Variants in OTOGL observed in about 807,000 individuals in gnomAD.
The protein encoded by OTOGL is otogelin-like protein.
OTOGL carries 285 observed loss-of-function variants against 318.5 expected under a neutral mutation model. The observed-to-expected ratio is 0.89, with a 90% CI of 0.81 to 0.99. The LOEUF (loss-of-function observed/expected upper bound fraction) is 0.99, where lower values mean the gene tolerates loss of function less well. Among genes scored for constraint, OTOGL ranks in the 50% least tolerant of loss-of-function variants. OTOGL has a pLI of 0.00. For missense variants in OTOGL, 2,899 were observed against 2,845.6 expected, an observed-to-expected ratio of 1.02 and a Z score of -0.43; for synonymous variants, 987 against 936.5, an observed-to-expected ratio of 1.05 and a Z score of -0.99.
chr12:80,189,134 T>A lies in OTOGL; in HGVS notation c.-19-20279T>A, dbSNP rs74674705. 9.8e-3 allele frequency among the ~76,000 whole-genome samples: 1,489 copies of A among 152,332 alleles called. 30 individuals are homozygous for A. Among genetic ancestry groups the A allele is most frequent in the African/African-American group, 0.034 (1,424 of 41,572 alleles). On this transcript the variant is annotated intron_variant, in intron 1 of 58. Transcript: ENST00000547103. ...ATCCTTTAAGGCTTTTTGGTTAATG[T>A]ATCATAAATAGATACTCAGATTAAT...
chr12:80,239,045 A>G (rs1880133674), intron 10 of OTOGL, 67 bp downstream of exon 10: 2 of 1,447,732 alleles, frequency 1.4e-6, no homozygotes, highest in Admixed American at 2.5e-5. Context: ...TGTATAATTA[A>G]CTAAGCATTT....
intron 1 of OTOGL, among the ~76,000 whole-genome samples, chr12:80,147,478 T>C (rs1872469800): frequency 6.6e-6 from 1 of 151,388 alleles, no homozygotes; most frequent in East Asian, 1.9e-4. Context: ...CTTCCAAGTA[T>C]GTGGTCAATT....
intron 1 of OTOGL, among the ~76,000 whole-genome samples, chr12:80,108,357 T>C (rs1869581710): frequency 6.6e-6 from 1 of 152,042 alleles, no homozygotes; most frequent in Non-Finnish European, 1.5e-5. Flanking sequence ...GTTCTTTCTG[T>C]AGTGGTAAGT....
intron 11 of OTOGL, among the ~76,000 whole-genome samples, chr12:80,245,057 A>T (rs1461636407): frequency 7.2e-6 from 1 of 139,650 alleles, no homozygotes; most frequent in East Asian, 2.0e-4. Flanking sequence ...GATTCTGGAT[A>T]TTAGCCCTTT....
intron 22 of OTOGL, among the ~76,000 whole-genome samples, chr12:80,269,144 T>C (rs1382948894): frequency 1.3e-5 from 2 of 152,098 alleles, no homozygotes; most frequent in Non-Finnish European, 2.9e-5. Flanking sequence ...GTTATTCTAG[T>C]GTTCAACTAT....
chr12:80,346,010 C>G (rs1388400001), intron 44 of OTOGL, among the ~76,000 whole-genome samples: 3 of 152,124 alleles, frequency 2.0e-5, no homozygotes, highest in Admixed American at 6.5e-5. Flanking sequence ...AGAGAAGACA[C>G]AGTATTACCA....
intron 44 of OTOGL, among the ~76,000 whole-genome samples, chr12:80,344,607 T>C (rs1430694309): frequency 6.6e-6 from 1 of 152,114 alleles, no homozygotes; most frequent in Non-Finnish European, 1.5e-5. Context: ...AAAATCTAAA[T>C]CAACAACCAC....
At chr12:80,262,818 T>A (rs1882655362) in intron 19 of OTOGL, among the ~76,000 whole-genome samples, 1 of 152,196 alleles carries the variant, frequency 6.6e-6, no homozygotes, top group Admixed American at 6.5e-5. Context: ...TATATATAAT[T>A]GTGAAAAAAT....
chr12:80,328,402 C>T (rs1242891171), intron 35 of OTOGL, among the ~76,000 whole-genome samples: 2 of 152,152 alleles, frequency 1.3e-5, no homozygotes, highest in Non-Finnish European at 2.9e-5. Context: ...GGAACAGGGA[C>T]TTAGTGTGCC....
chr12:80,201,358 C>G (rs1876440600), intron 1 of OTOGL, among the ~76,000 whole-genome samples: 1 of 152,080 alleles, frequency 6.6e-6, no homozygotes, highest in African/African-American at 2.4e-5. Context: ...AGCTTCCAAT[C>G]ATGGTGGAAG....
intron 55 of OTOGL, among the ~76,000 whole-genome samples, chr12:80,370,286 G>A (rs761144939): frequency 1.3e-5 from 2 of 151,848 alleles, no homozygotes; most frequent in Non-Finnish European, 2.9e-5. Flanking sequence ...ACTCTCTATT[G>A]TTTTATTTCA....
chr12:80,140,109 G>A (rs1871835997), intron 1 of OTOGL, among the ~76,000 whole-genome samples: 1 of 152,054 alleles, frequency 6.6e-6, no homozygotes, highest in South Asian at 2.1e-4. Context: ...CACCTGCCTT[G>A]CCTCTCCCCT....
At chr12:80,191,154 C>T (rs1030327708) in intron 1 of OTOGL, among the ~76,000 whole-genome samples, 19 of 152,290 alleles carry the variant, frequency 1.2e-4, no homozygotes, top group African/African-American at 4.6e-4. Context: ...TTATTGGATA[C>T]TGGCTGGGAG....
intron 1 of OTOGL, among the ~76,000 whole-genome samples, chr12:80,146,091 C>T (rs146905738): frequency 0.036 from 5,317 of 145,746 alleles, 370 homozygotes; most frequent in African/African-American, 0.14. Context: ...CTTCCAACAC[C>T]CTGTTGAATA....
chr12:80,331,837 A>G (rs919937568), intron 37 of OTOGL, among the ~76,000 whole-genome samples: 10 of 152,272 alleles, frequency 6.6e-5, no homozygotes, highest in Admixed American at 2.6e-4. Context: ...TGTGGCACCA[A>G]TGTAATCACA....
chr12:80,162,352 A>G (rs997724010), intron 1 of OTOGL, among the ~76,000 whole-genome samples: 1 of 152,152 alleles, frequency 6.6e-6, no homozygotes, highest in Non-Finnish European at 1.5e-5. Context: ...GCAGTTTTCA[A>G]ATGTACAACT....
chr12:80,103,634 T>C (rs1469150509), intron 1 of OTOGL, among the ~76,000 whole-genome samples: 1 of 152,252 alleles, frequency 6.6e-6, no homozygotes, highest in Non-Finnish European at 1.5e-5. Flanking sequence ...ATAAAAGCTG[T>C]CCTGTCACTG....
intron 11 of OTOGL, among the ~76,000 whole-genome samples, chr12:80,248,419 T>A (rs1272907903): frequency 6.9e-6 from 1 of 144,444 alleles, no homozygotes; most frequent in Non-Finnish European, 1.5e-5. Flanking sequence ...CTCCTTCACT[T>A]ATGAAGCTTA....
chr12:80,354,325 C>A (rs1393273596), intron 46 of OTOGL, among the ~76,000 whole-genome samples: 4 of 152,212 alleles, frequency 2.6e-5, no homozygotes, highest in Non-Finnish European at 5.9e-5. Context: ...TCAGTAGATG[C>A]TGGCGCCATG....
Sources: allele counts gnomAD v4.1 joint callset (sites outside exome capture counted in the v4.1 genomes callset), GRCh38; gene constraint gnomAD v4.1.1; transcripts MANE v1.5; gene names NCBI Gene and HGNC (gene_info 2026-07-23, HGNC 2026-07-21).